Variants in BAIAP2L1 observed in about 807,000 individuals in gnomAD.
The protein encoded by BAIAP2L1 is BAR/IMD domain-containing adapter protein 2-like 1.
A neutral mutation model predicts 66.3 loss-of-function variants in BAIAP2L1; 35 were observed. That is an observed-to-expected ratio of 0.53 (90% CI 0.40 to 0.70). The LOEUF (loss-of-function observed/expected upper bound fraction) is 0.70. Ranked by LOEUF, BAIAP2L1 falls within the 30% of genes least tolerant of loss-of-function variation. The probability of loss-of-function intolerance (pLI) is 0.00; values close to 1 mark genes in which losing one functional copy is unlikely to be tolerated. For synonymous variants in BAIAP2L1, 269 were observed against 248.7 expected (o/e 1.08, Z -0.77); for missense variants, 622 against 656.9 (o/e 0.95, Z 0.58).
rs778472252 is a variant in BAIAP2L1 at position 98,307,836 on chromosome 7, A to T, written c.1016T>A (p.Met339Lys). The change falls in exon 10 of 14, where the codon ATG becomes AAG. Residue 339 changes from methionine (M) to lysine (K), a missense_variant. Physicochemically the swap from Met to Lys is moderately conservative, Grantham distance 95 (BLOSUM62 -1). Transcript: ENST00000005260. ...GATGGTCTTCACTTTCTGCTTCTTCATCATGTTCAGTCCCGTTGCAACCGA... is the reference window on the plus strand; with the variant it reads ...GATGGTCTTCACTTTCTGCTTCTTCTTCATGTTCAGTCCCGTTGCAACCGA... ...SVSVATGLNM[M>K]KKQKVKTIFP... The T allele has an allele frequency of 1.9e-6, 3 of 1,614,106 alleles. No individual in the cohort carries two copies. Among genetic ancestry groups the T allele is most frequent in the African/African-American group, 1.3e-5 (1 of 74,942 alleles).
intron 1 of BAIAP2L1, among the ~76,000 whole-genome samples, chr7:98,364,986 C>CAATAAAAAA (rs1802359082): frequency 3.2e-5 from 1 of 30,780 alleles, no homozygotes; most frequent in Non-Finnish European, 5.4e-5. Flanking sequence ...GGATATGTCT[C>CAATAAAAAA]AAAAAAAAAA....
At chr7:98,362,090 T>G in intron 2 of BAIAP2L1, among the ~76,000 whole-genome samples, 1 of 152,188 alleles carries the variant, frequency 6.6e-6, no homozygotes, top group East Asian at 1.9e-4. Flanking sequence ...ATTTGTTAGT[T>G]TACCAAGAAT....
At chr7:98,350,284 C>G (rs1801970858) in intron 3 of BAIAP2L1, among the ~76,000 whole-genome samples, 1 of 151,910 alleles carries the variant, frequency 6.6e-6, no homozygotes, top group Non-Finnish European at 1.5e-5. Context: ...ATTCAGGTAC[C>G]TTGGCAGCGA....
chr7:98,316,284 A>T (rs1176876167), intron 6 of BAIAP2L1, among the ~76,000 whole-genome samples: 1 of 151,926 alleles, frequency 6.6e-6, no homozygotes, highest in African/African-American at 2.4e-5. Flanking sequence ...TCTTTTGTAA[A>T]TTGCCCAGTC....
At chr7:98,307,356 T>A in intron 10 of BAIAP2L1, 4 of 1,124,428 alleles carry the variant, frequency 3.6e-6, no homozygotes, top group Non-Finnish European at 4.4e-6. Context: ...TCTGCCCGCC[T>A]TAGCCTCCCA....
At chr7:98,394,242 A>AAAACAAACAAACAAAC (rs58526170) in intron 1 of BAIAP2L1, among the ~76,000 whole-genome samples, 34,501 of 150,374 alleles carry the variant, frequency 0.23, 4,180 homozygotes, top group East Asian at 0.38. Context: ...CTCCGTCTCA[A>AAAACAAACAAACAAAC]AAACAAACAA....
intron 12 of BAIAP2L1, among the ~76,000 whole-genome samples, chr7:98,300,703 C>A (rs1020145177): frequency 6.6e-6 from 1 of 152,140 alleles, no homozygotes; most frequent in South Asian, 2.1e-4. Flanking sequence ...CCGTGAGGTG[C>A]GAAGGGTGTG....
chr7:98,328,916 A>G (rs1801435338), intron 3 of BAIAP2L1, among the ~76,000 whole-genome samples: 1 of 152,136 alleles, frequency 6.6e-6, no homozygotes, highest in Non-Finnish European at 1.5e-5. Flanking sequence ...CAAAGGAAAA[A>G]CTGTCAATCT....
intron 1 of BAIAP2L1, among the ~76,000 whole-genome samples, chr7:98,377,021 T>C (rs944909388): frequency 2.0e-5 from 3 of 152,098 alleles, no homozygotes; most frequent in African/African-American, 7.2e-5. Context: ...TGAGGACAAA[T>C]TGAGGTTTCC....
chr7:98,401,078 G>C lies in BAIAP2L1; in HGVS notation c.-226C>G, dbSNP rs897167155. ...TCGAGGAGCAGAGGAGAAGCGGCCG[G>C]ACGCCGCCAGAGGAAGCTGGGCGGG... is the stretch of plus-strand genomic sequence containing the variant. On this transcript the variant is annotated 5_prime_UTR_variant, in exon 1 of 14. Coordinates refer to ENST00000005260, the MANE Select transcript of BAIAP2L1 (RefSeq NM_018842.5). 102 of 374,352 alleles carry C rather than the reference G, an allele frequency of 2.7e-4. No individual in the cohort carries two copies. In the East Asian group the frequency reaches 4.2e-3, roughly 15 times the overall value. The allele number at this position is 374,352 out of a possible 1,614,324, so 23.2% of individuals were successfully genotyped here.
At chr7:98,312,001 A>AG in intron 8 of BAIAP2L1, 96 bp downstream of exon 8, 1 of 1,280,544 alleles carries the variant, frequency 7.8e-7, no homozygotes, top group East Asian at 2.4e-5. Flanking sequence ...GAAGTAATAA[A>AG]GGGGGACCTG....
chr7:98,305,339 A>G (rs1800614914), intron 11 of BAIAP2L1, among the ~76,000 whole-genome samples: 1 of 152,074 alleles, frequency 6.6e-6, no homozygotes, highest in African/African-American at 2.4e-5. Context: ...AAAAAAATGT[A>G]AACACTTGAA....
intron 3 of BAIAP2L1, among the ~76,000 whole-genome samples, chr7:98,346,210 G>A (rs535758145): frequency 7.9e-5 from 12 of 152,094 alleles, no homozygotes; most frequent in African/African-American, 2.7e-4. Flanking sequence ...TTCCAGTAAC[G>A]AAAGACAGGC....
At chr7:98,355,914 C>A (rs566379778) in intron 2 of BAIAP2L1, among the ~76,000 whole-genome samples, 1 of 152,212 alleles carries the variant, frequency 6.6e-6, no homozygotes, top group East Asian at 1.9e-4. Flanking sequence ...GAGCCACAAC[C>A]AACCAACCTA....
chr7:98,368,824 T>C (rs565796351), intron 1 of BAIAP2L1, among the ~76,000 whole-genome samples: 4 of 151,796 alleles, frequency 2.6e-5, no homozygotes, highest in Non-Finnish European at 5.9e-5. Context: ...TTTTGGCTAG[T>C]AGCATTCCAT....
intron 1 of BAIAP2L1, among the ~76,000 whole-genome samples, chr7:98,384,693 C>T (rs893348480): frequency 2.0e-3 from 237 of 118,800 alleles, no homozygotes; most frequent in Middle Eastern, 5.4e-3. Flanking sequence ...ATCATTCTAC[C>T]TTTTTTTTTT....
chr7:98,329,673 T>G (rs1481392291), intron 3 of BAIAP2L1, among the ~76,000 whole-genome samples: 1 of 150,936 alleles, frequency 6.6e-6, no homozygotes, highest in Non-Finnish European at 1.5e-5. Flanking sequence ...ACTTGCTAAC[T>G]CCAGCCCCCT....
At chr7:98,382,099 T>C (rs182974368) in intron 1 of BAIAP2L1, among the ~76,000 whole-genome samples, 248 of 152,000 alleles carry the variant, frequency 1.6e-3, no homozygotes, top group African/African-American at 5.6e-3. Context: ...CTTTTTTGTA[T>C]TTTCAGTAGA....
chr7:98,338,214 C>T (rs1801656407), intron 3 of BAIAP2L1, among the ~76,000 whole-genome samples: 1 of 151,932 alleles, frequency 6.6e-6, no homozygotes, highest in African/African-American at 2.4e-5. Flanking sequence ...GGGTGGATCA[C>T]GAGGTCAGGA....
Sources: allele counts gnomAD v4.1 joint callset (sites outside exome capture counted in the v4.1 genomes callset), GRCh38; gene constraint gnomAD v4.1.1; transcripts MANE v1.5; gene names NCBI Gene and HGNC (gene_info 2026-07-23, HGNC 2026-07-21).